AMBN: variants seen among roughly 807,000 people sequenced by gnomAD.
AMBN encodes the protein enamel matrix protein.
Under a neutral mutation model 48.0 loss-of-function variants are expected in AMBN, and 54 were observed. That is an observed-to-expected ratio of 1.12 (90% confidence interval 0.90 to 1.41). The LOEUF is 1.41. Ranked by LOEUF, AMBN falls within the 40% of genes most tolerant of loss-of-function variation. The probability of loss-of-function intolerance (pLI) is 0.00; values close to 1 mark genes in which losing one functional copy is unlikely to be tolerated. For synonymous variants in AMBN, 186 were observed against 190.0 expected, an observed-to-expected ratio of 0.98 and a Z score of 0.17; for missense variants, 571 against 547.3, an observed-to-expected ratio of 1.04 and a Z score of -0.43.
At chr4:70,599,491 T>G (rs1170083925) in intron 4 of AMBN, 45 bp from the exon 5 acceptor site, 1 of 1,383,900 alleles carries the variant, frequency 7.2e-7, no homozygotes, top group South Asian at 1.3e-5. Flanking sequence ...AATGTTATAT[T>G]TAACATTTAA....
rs1002430045 is a variant in AMBN, at chr4:70,606,882, G to T, written c.*152G>T. ...TAATAAATGCAAGTGGCTAGAAATAGTGTAGGTCCCCTTCTTGCTTTCAAT... is the reference window on the plus strand; with the variant it reads ...TAATAAATGCAAGTGGCTAGAAATATTGTAGGTCCCCTTCTTGCTTTCAAT... On this transcript the variant is annotated 3_prime_UTR_variant, in exon 13 of 13. Coordinates refer to ENST00000322937, the MANE Select transcript of AMBN (RefSeq NM_016519.6). 1.2e-6 allele frequency: 1 copy of T among 806,988 alleles called. No homozygotes were observed. The highest frequency in any genetic ancestry group is 1.7e-5 in the African/African-American group (1 of 57,304). 50.0% of individuals were successfully genotyped at this position (806,988 alleles called of 1,614,324 possible).
In AMBN at chr4:70,598,356, A is replaced by G; in HGVS notation, c.136A>G (p.Thr46Ala). The stretch of plus-strand genomic sequence containing the variant: ...GTAACCCACTTTTTTTTCTTGATAG[A>G]CAATGAGACAGTTGGGAAGTCTGCA... ...TPGMASLSLE[T>A]MRQLGSLQRL... is the part of the protein sequence containing the mutation. The change falls in exon 4 of 13, where the codon ACA (threonine) becomes GCA (alanine). Residue 46 changes from threonine to alanine, a missense_variant and splice_region_variant. Transcript: ENST00000322937. The G allele has an allele frequency of 1.3e-6, 2 of 1,572,430 alleles. No homozygotes were observed. Among genetic ancestry groups the G allele is most frequent in the South Asian group, 1.2e-5 (1 of 82,966 alleles).
chr4:70,598,952 T>A (rs1737451575), intron 4 of AMBN, among the ~76,000 whole-genome samples: 1 of 150,062 alleles, frequency 6.7e-6, no homozygotes, highest in African/African-American at 2.5e-5. Context: ...TTTTTGTATT[T>A]TTTAGTAGAG....
chr4:70,606,339 A>G lies in AMBN; in HGVS notation c.953A>G (p.Asn318Ser), dbSNP rs769325843. The change falls in exon 13 of 13, where the codon AAC (asparagine) becomes AGC (serine). Residue 318 changes from asparagine to serine, a missense_variant. Transcript: ENST00000322937. ...GTGGCTGCCACCAAAGGCCCTGAGA[A>G]CGAAGAAGGAGGTGCACAAGGCTCC... Reference protein sequence around the residue: ...SPVAATKGPENEEGGAQGSPM... With the variant: ...SPVAATKGPESEEGGAQGSPM... 1.9e-6 allele frequency: 3 copies of G among 1,614,064 alleles called. No individual in the cohort carries two copies. The highest frequency in any genetic ancestry group is 2.5e-6 in the Non-Finnish European group (3 of 1,179,992).
intron 12 of AMBN, 123 bp from the exon 13 acceptor site, chr4:70,606,062 C>T (rs1737635105): frequency 1.8e-6 from 2 of 1,127,992 alleles, no homozygotes; most frequent in Non-Finnish European, 2.5e-6. Context: ...AGCTATCAAT[C>T]AGCCAACTTC....
At chr4:70,606,098 T>G in intron 12 of AMBN, 87 bp from the exon 13 acceptor site, 1 of 1,462,454 alleles carries the variant, frequency 6.8e-7, no homozygotes, top group Non-Finnish European at 9.3e-7. Flanking sequence ...TTTTTAGAGA[T>G]CCTTGGTGAA....
chr4:70,604,283 C>CA (rs377247109), intron 12 of AMBN, among the ~76,000 whole-genome samples: 221 of 152,208 alleles, frequency 1.5e-3, no homozygotes, highest in African/African-American at 5.0e-3. Flanking sequence ...TTTAACCCCT[C>CA]AAAACATCAA....
chr4:70,593,865 A>T (rs1737331977), intron 2 of AMBN, among the ~76,000 whole-genome samples: 1 of 34,922 alleles, frequency 2.9e-5, no homozygotes, highest in African/African-American at 2.7e-4. Context: ...ACTCCATTTA[A>T]AAAAAAAAAA....
rs548992791 is a variant in AMBN, at chr4:70,604,847, G to A, written c.798+926G>A. Among the ~76,000 whole-genome samples the A allele has an allele frequency of 5.7e-3, 869 of 152,174 alleles. 9 individuals are homozygous for A. The highest frequency in any genetic ancestry group is 0.02 in the African/African-American group (842 of 41,506). ...GTCTCCACTAAAAATACAAAAATCA[G>A]CCAGGTTTAGTGGCGCGAGCCTGTA... On this transcript the variant is annotated intron_variant, in intron 12 of 12. Coordinates refer to ENST00000322937, the MANE Select transcript of AMBN (RefSeq NM_016519.6).
chr4:70,593,319 T>A lies in AMBN; in HGVS notation c.16-8T>A, dbSNP rs764660387. 6.3e-7 allele frequency: 1 copy of A among 1,593,694 alleles called. No individual in the cohort carries two copies. The highest frequency in any genetic ancestry group is 1.7e-5 in the Admixed American group (1 of 58,104). On this transcript the variant is annotated splice_region_variant and splice_polypyrimidine_tract_variant and intron_variant, in intron 1 of 12. Coordinates refer to ENST00000322937, the MANE Select transcript of AMBN (RefSeq NM_016519.6). ...CTGATTTAATTCTCCAACTTAATTA[T>A]GTTTTAGATTCCACTTTTCAAAATG... is the stretch of plus-strand genomic sequence containing the variant.
rs181057426 is a variant in AMBN at position 70,605,553 on chromosome 4, T to C, written c.799-632T>C. Among the ~76,000 whole-genome samples the C allele has an allele frequency of 2.6e-5, 4 of 152,270 alleles. No homozygotes were observed. The East Asian group carries it at 7.7e-4, about 29-fold the overall frequency. On this transcript the variant is annotated intron_variant, in intron 12 of 12. Transcript: ENST00000322937. The stretch of plus-strand genomic sequence containing the variant: ...AAACATGGTCAGTGCTGGTATTCTA[T>C]TTGTCCACAAGAAGAAAATATTTTA...
rs929305172 is a variant in AMBN at position 70,606,888 on chromosome 4, G to T, written c.*158G>T. 1.3e-6 allele frequency: 1 copy of T among 767,720 alleles called. No homozygotes were observed. Among genetic ancestry groups the T allele is most frequent in the African/African-American group, 1.8e-5 (1 of 56,478 alleles). The allele number at this position is 767,720 out of a possible 1,614,324, so 47.6% of individuals were successfully genotyped here. ...ATGCAAGTGGCTAGAAATAGTGTAG[G>T]TCCCCTTCTTGCTTTCAATATCTTG... On this transcript the variant is annotated 3_prime_UTR_variant, in exon 13 of 13. Transcript: ENST00000322937.
chr4:70,592,264 C>A lies in AMBN; in HGVS notation c.-95C>A. 2.6e-6 allele frequency: 3 copies of A among 1,138,594 alleles called. No homozygotes were observed. Among genetic ancestry groups the A allele is most frequent in the Non-Finnish European group, 3.8e-6 (3 of 794,438 alleles). 70.5% of individuals were successfully genotyped at this position (1,138,594 alleles called of 1,614,324 possible). ...TCTAATCTTCCCTGAATGAGAAGTA[C>A]AGAGCAAGTCCCACGCACAGTCCTG... is the stretch of plus-strand genomic sequence containing the variant. On this transcript the variant is annotated 5_prime_UTR_variant, in exon 1 of 13. Coordinates refer to ENST00000322937, the MANE Select transcript of AMBN (RefSeq NM_016519.6).
At chr4:70,606,054 C>A in intron 12 of AMBN, 131 bp from the exon 13 acceptor site, 3 of 1,017,938 alleles carry the variant, frequency 2.9e-6, no homozygotes, top group Non-Finnish European at 4.3e-6. Context: ...TTACACAAAG[C>A]TATCAATCAG....
rs2109801353 is a variant in AMBN at position 70,598,303 on chromosome 4, G to A, written c.136-53G>A. Reference sequence around the variant, plus strand: ...TGTCAAATATCATGAGAAATCAGTTGTGTCAAACACAGCATATGCGATAAA... The same window carrying A: ...TGTCAAATATCATGAGAAATCAGTTATGTCAAACACAGCATATGCGATAAA... On this transcript the variant is annotated intron_variant, in intron 3 of 12. Coordinates refer to ENST00000322937, the MANE Select transcript of AMBN (RefSeq NM_016519.6). The A allele has an allele frequency of 3.1e-6, 4 of 1,280,908 alleles. 1 individual carries two copies. In the South Asian group the frequency reaches 5.2e-5, roughly 17 times the overall value. The allele number at this position is 1,280,908 out of a possible 1,614,324, so 79.3% of individuals were successfully genotyped here. A position where few individuals can be genotyped will look rare whatever the true frequency, so the allele number is the denominator to read the frequency against.
chr4:70,603,488 G>A, intron 11 of AMBN, 28 bp downstream of exon 11: 1 of 1,593,208 alleles, frequency 6.3e-7, no homozygotes, highest in Non-Finnish European at 8.6e-7. Flanking sequence ...AAAAAGTATT[G>A]TTTTTAATTA....
At chr4:70,603,036 T>C (rs756707494) in intron 9 of AMBN, 26 bp downstream of exon 9, 5 of 1,583,916 alleles carry the variant, frequency 3.2e-6, no homozygotes, top group Non-Finnish European at 3.4e-6. Flanking sequence ...AATGAGACAC[T>C]GTCTTGCAAA....
intron 7 of AMBN, 21 bp downstream of exon 7, chr4:70,602,683 G>A: frequency 1.3e-6 from 2 of 1,550,064 alleles, no homozygotes; most frequent in Non-Finnish European, 1.8e-6. Context: ...ATCTCAATGA[G>A]ACACTTTCTG....
chr4:70,606,928 G>GT lies in AMBN; in HGVS notation c.*199dup. On this transcript the variant is annotated 3_prime_UTR_variant, in exon 13 of 13. Coordinates refer to ENST00000322937, the MANE Select transcript of AMBN (RefSeq NM_016519.6). ...TCAATATCTTGTTGAAATAAAATGT[G>GT]TCAATTGTCTCTGTGATTTAGAAAC... The GT allele has an allele frequency of 1.0e-5, 6 of 595,510 alleles. No individual in the cohort carries two copies. The highest frequency in any genetic ancestry group is 1.7e-5 in the Non-Finnish European group (6 of 349,270). 36.9% of individuals were successfully genotyped at this position (595,510 alleles called of 1,614,324 possible). A position where few individuals can be genotyped will look rare whatever the true frequency, so the allele number is the denominator to read the frequency against.
Sources: allele counts gnomAD v4.1 joint callset (sites outside exome capture counted in the v4.1 genomes callset), GRCh38; gene constraint gnomAD v4.1.1; transcripts MANE v1.5; gene names NCBI Gene and HGNC (gene_info 2026-07-23, HGNC 2026-07-21).